HEPHL1: variants seen among roughly 807,000 people sequenced by gnomAD.
HEPHL1 encodes ferroxidase HEPHL1.
In HEPHL1, 123 loss-of-function variants were observed where a neutral mutation model predicts 122.0. The observed-to-expected ratio is 1.01, with a 90% confidence interval of 0.87 to 1.17. HEPHL1 has a LOEUF of 1.17. Among genes scored for constraint, HEPHL1 ranks in the 50% most tolerant of loss-of-function variants. The pLI, the probability that HEPHL1 is intolerant of heterozygous loss-of-function variation, is 0.00. For synonymous variants in HEPHL1, 527 were observed against 508.9 expected (o/e 1.04, Z -0.48); for missense variants, 1,452 against 1,430.5 (o/e 1.01, Z -0.24).
chr11:94,099,576 G>A (rs894143851), intron 13 of HEPHL1, among the ~76,000 whole-genome samples: 1 of 152,214 alleles, frequency 6.6e-6, no homozygotes, highest in African/African-American at 2.4e-5. Context: ...AGAGGTTTCT[G>A]CTGCCTTTTG....
rs753595409 is a variant in HEPHL1, at chr11:94,103,062, A to G, written c.2682+42A>G. On this transcript the variant is annotated intron_variant, in intron 15 of 19. Coordinates refer to ENST00000315765, the MANE Select transcript of HEPHL1 (RefSeq NM_001098672.2). ...AACCAAAAGGCTTAAAATAATTTGG[A>G]TGAAAGTTGACTACTTGGGTCATCA... The G allele has an allele frequency of 3.5e-6, 4 of 1,157,208 alleles. No individual in the cohort carries two copies. The South Asian group carries it at 4.9e-5, about 14-fold the overall frequency. 71.7% of individuals were successfully genotyped at this position (1,157,208 alleles called of 1,614,324 possible).
At chr11:94,084,926 C>T (rs962294736) in intron 10 of HEPHL1, among the ~76,000 whole-genome samples, 3 of 152,100 alleles carry the variant, frequency 2.0e-5, no homozygotes, top group South Asian at 2.1e-4. Context: ...AAAGTAATTG[C>T]GGTTTTTGCA....
At chr11:94,093,351 A>G (rs1279963466) in intron 12 of HEPHL1, 150 bp from the exon 13 acceptor site, 7 of 814,330 alleles carry the variant, frequency 8.6e-6, no homozygotes, top group Admixed American at 2.3e-5. Flanking sequence ...ACTCCCAGAA[A>G]GTATGGTGCA....
At chr11:94,109,944 A>G (rs1041027681) in intron 17 of HEPHL1, among the ~76,000 whole-genome samples, 2 of 152,352 alleles carry the variant, frequency 1.3e-5, no homozygotes, top group African/African-American at 4.8e-5. Flanking sequence ...GAATTTGCCA[A>G]TAAAGCCATC....
chr11:94,046,090 G>GTTTTTT (rs1945833960), intron 2 of HEPHL1, among the ~76,000 whole-genome samples, 173 bp downstream of exon 2: 6 of 6,990 alleles, frequency 8.6e-4, no homozygotes, highest in Non-Finnish European at 1.5e-3. Flanking sequence ...TCCCTTTCTT[G>GTTTTTT]CTTTTTTTTT....
At chr11:94,059,593 A>G (rs111294307) in intron 2 of HEPHL1, among the ~76,000 whole-genome samples, 1,559 of 152,286 alleles carry the variant, frequency 0.01, 23 homozygotes, top group African/African-American at 0.036. Context: ...AGTGTTTTAT[A>G]CTTTCATATT....
chr11:94,048,997 T>C (rs952614129), intron 2 of HEPHL1, among the ~76,000 whole-genome samples: 13 of 151,970 alleles, frequency 8.6e-5, no homozygotes, highest in African/African-American at 2.9e-4. Context: ...GGCACATGCC[T>C]ATAACCCCAG....
At chr11:94,053,371 A>G (rs1486247821) in intron 2 of HEPHL1, among the ~76,000 whole-genome samples, 1 of 151,958 alleles carries the variant, frequency 6.6e-6, no homozygotes, top group Non-Finnish European at 1.5e-5. Context: ...GTCTAAATGA[A>G]GTTGTCTCAA....
chr11:94,038,326 C>T (rs1189738700), intron 1 of HEPHL1, among the ~76,000 whole-genome samples: 4 of 142,698 alleles, frequency 2.8e-5, no homozygotes, highest in African/African-American at 5.3e-5. Context: ...ACTTCCCCAA[C>T]CTAGCAAGGC....
intron 17 of HEPHL1, among the ~76,000 whole-genome samples, chr11:94,110,342 A>G (rs1946438549): frequency 6.6e-6 from 1 of 152,164 alleles, no homozygotes. Context: ...ATCTTTCATG[A>G]GGAGGCAATC....
chr11:94,057,101 A>C (rs1945943848), intron 2 of HEPHL1, among the ~76,000 whole-genome samples: 1 of 152,144 alleles, frequency 6.6e-6, no homozygotes, highest in Admixed American at 6.5e-5. Context: ...TCGAATGTTC[A>C]GATAAGAAGT....
chr11:94,024,970 A>T (rs1945612066), intron 1 of HEPHL1, among the ~76,000 whole-genome samples: 1 of 152,146 alleles, frequency 6.6e-6, no homozygotes, highest in Non-Finnish European at 1.5e-5. Flanking sequence ...ATCTTTGAAT[A>T]AGGGGAATGG....
intron 1 of HEPHL1, among the ~76,000 whole-genome samples, chr11:94,043,551 G>C (rs79461231): frequency 5.3e-5 from 8 of 152,092 alleles, no homozygotes; most frequent in African/African-American, 1.9e-4. Flanking sequence ...TGCTCCATTA[G>C]TGGGGCTGGG....
chr11:94,095,985 T>C (rs1165291074), intron 13 of HEPHL1, among the ~76,000 whole-genome samples: 1 of 152,222 alleles, frequency 6.6e-6, no homozygotes, highest in Non-Finnish European at 1.5e-5. Flanking sequence ...TTTGACTTCC[T>C]CTATTCCTAA....
At chr11:94,022,093 G>A (rs1945586743) in intron 1 of HEPHL1, among the ~76,000 whole-genome samples, 2 of 152,150 alleles carry the variant, frequency 1.3e-5, no homozygotes, top group Non-Finnish European at 2.9e-5. Flanking sequence ...GTTTATTCCA[G>A]CTCCAAGTCA....
chr11:94,103,756 C>G (rs1377037184), intron 15 of HEPHL1, among the ~76,000 whole-genome samples: 1 of 152,158 alleles, frequency 6.6e-6, no homozygotes, highest in African/African-American at 2.4e-5. Context: ...ATTATCATAA[C>G]CTTCCTCTTA....
chr11:94,099,971 A>G (rs1946354585), intron 13 of HEPHL1, among the ~76,000 whole-genome samples: 1 of 151,966 alleles, frequency 6.6e-6, no homozygotes, highest in Non-Finnish European at 1.5e-5. Context: ...AGGTAAGGCG[A>G]TGCCTCTCCC....
intron 2 of HEPHL1, among the ~76,000 whole-genome samples, chr11:94,059,096 A>T (rs1945963096): frequency 6.6e-6 from 1 of 152,144 alleles, no homozygotes; most frequent in Middle Eastern, 3.2e-3. Context: ...TTTTTCACAG[A>T]CTTTTTTCTA....
At chr11:94,105,255 A>G (rs1388601954) in intron 16 of HEPHL1, among the ~76,000 whole-genome samples, 1 of 152,166 alleles carries the variant, frequency 6.6e-6, no homozygotes, top group Non-Finnish European at 1.5e-5. Context: ...TTTGACCAAA[A>G]GTGCACAAAA....
Sources: allele counts gnomAD v4.1 joint callset (sites outside exome capture counted in the v4.1 genomes callset), GRCh38; gene constraint gnomAD v4.1.1; transcripts MANE v1.5; gene names NCBI Gene and HGNC (gene_info 2026-07-23, HGNC 2026-07-21).